Variants in IQSEC1 observed in about 807,000 individuals in gnomAD.
IQSEC1 encodes the protein IQ motif and Sec7 domain ArfGEF 1.
In IQSEC1, 31 loss-of-function variants were observed where a neutral mutation model predicts 91.0. The ratio of observed to expected loss-of-function variants is 0.34; its 90% CI spans 0.26 to 0.46. The LOEUF is 0.46. IQSEC1 is among the 20% of genes least tolerant of loss of function. IQSEC1 has a pLI of 1.00. For synonymous variants in IQSEC1, 699 were observed against 662.6 expected (o/e 1.05, Z -0.84); for missense variants, 1,388 against 1,575.6 (o/e 0.88, Z 2.02).
At chr3:13,165,145 T>C (rs1693462711) in intron 1 of IQSEC1, among the ~76,000 whole-genome samples, 1 of 152,134 alleles carries the variant, frequency 6.6e-6, no homozygotes, top group South Asian at 2.1e-4. Flanking sequence ...AGAAGGCAGG[T>C]AGTCCCCAGC....
At chr3:13,220,799 T>C (rs1194813615) in intron 1 of IQSEC1, among the ~76,000 whole-genome samples, 2 of 152,242 alleles carry the variant, frequency 1.3e-5, no homozygotes, top group African/African-American at 4.8e-5. Context: ...TTGGCTAAAC[T>C]GGCCTCATTA....
Position 12,900,369 on chromosome 3 carries a change from G to T in IQSEC1, c.*614C>A, listed in dbSNP as rs1008134945. The T allele has an allele frequency of 4.4e-5, 43 of 984,676 alleles. No individual in the cohort carries two copies. The highest frequency in any genetic ancestry group is 5.1e-5 in the Non-Finnish European group (42 of 829,834). 61.0% of individuals were successfully genotyped at this position (984,676 alleles called of 1,614,324 possible). A position where few individuals can be genotyped will look rare whatever the true frequency, so the allele number is the denominator to read the frequency against. On this transcript the variant is annotated 3_prime_UTR_variant, in exon 14 of 14. Coordinates refer to ENST00000613206, the MANE Select transcript of IQSEC1 (RefSeq NM_001134382.3). ...CAGCTAAGGTACTGTCTTCCTATTAGGTAAGTGGAGCTCCTTGTAAGGTGG... is the reference window on the plus strand; with the variant it reads ...CAGCTAAGGTACTGTCTTCCTATTATGTAAGTGGAGCTCCTTGTAAGGTGG...
At chr3:13,200,807 C>A (rs1324358632) in intron 1 of IQSEC1, among the ~76,000 whole-genome samples, 1 of 152,194 alleles carries the variant, frequency 6.6e-6, no homozygotes, top group African/African-American at 2.4e-5. Context: ...TGTTTTGACT[C>A]TGGGCGAGTC....
intron 1 of IQSEC1, among the ~76,000 whole-genome samples, chr3:13,266,635 C>T (rs893636816): frequency 3.3e-5 from 5 of 151,034 alleles, no homozygotes; most frequent in Non-Finnish European, 5.9e-5. Context: ...GGGAGAAATA[C>T]GGAAAACCGC....
At chr3:13,279,209 C>T (rs1695745700) in intron 1 of IQSEC1, among the ~76,000 whole-genome samples, 1 of 152,222 alleles carries the variant, frequency 6.6e-6, no homozygotes, top group Non-Finnish European at 1.5e-5. Context: ...GCTTCATCCA[C>T]TCAACAAATC....
At chr3:13,203,734 T>A (rs1315032296) in intron 1 of IQSEC1, among the ~76,000 whole-genome samples, 3 of 152,144 alleles carry the variant, frequency 2.0e-5, no homozygotes, top group African/African-American at 7.2e-5. Context: ...AGATAACCAC[T>A]GGTGGAAGAG....
In IQSEC1 at chr3:12,924,529, C is replaced by T. The variant is rs959009088; in HGVS notation, c.1730+52G>A. ...GTGTGCCCACGGGTAACACAGGGTG[C>T]GTGAGGGCGTGTGTGGAATCAGGTC... On this transcript the variant is annotated intron_variant, in intron 4 of 13. Coordinates refer to ENST00000613206, the MANE Select transcript of IQSEC1 (RefSeq NM_001134382.3). This position sits in a 1 kb window ranked among gnomAD's most constrained non-coding sequence, Gnocchi z 6.3. 9.8e-6 allele frequency: 15 copies of T among 1,524,232 alleles called. No homozygotes were observed. Among genetic ancestry groups the T allele is most frequent in the East Asian group, 7.2e-5 (3 of 41,580 alleles). The allele number at this position is 1,524,232 out of a possible 1,614,324, so 94.4% of individuals were successfully genotyped here.
At chr3:13,157,980 T>C (rs1363283846) in intron 2 of IQSEC1, among the ~76,000 whole-genome samples, 2 of 152,218 alleles carry the variant, frequency 1.3e-5, no homozygotes, top group African/African-American at 4.8e-5. Context: ...AGGTGCTCAA[T>C]GAAGACTGTT....
intron 1 of IQSEC1, among the ~76,000 whole-genome samples, chr3:13,243,551 CTG>C (rs1175905668): frequency 6.6e-6 from 1 of 152,218 alleles, no homozygotes; most frequent in African/African-American, 2.4e-5. Context: ...CACCCCATCT[CTG>C]TCTCTCGCAG....
intron 2 of IQSEC1, among the ~76,000 whole-genome samples, chr3:13,104,015 G>C (rs919473749): frequency 6.6e-6 from 1 of 152,128 alleles, no homozygotes; most frequent in Non-Finnish European, 1.5e-5. Flanking sequence ...TCAATGACTT[G>C]CCCAAGGTCA....
Position 12,935,882 on chromosome 3 carries a change from A to C in IQSEC1, c.1134T>G (p.Leu378=), listed in dbSNP as rs747609575. ...GTGACCCCCGCTCCGAGCGGTCACTAAGGTCCACAGAGCTGTCGCTGGGTG... is the reference window on the plus strand; with the variant it reads ...GTGACCCCCGCTCCGAGCGGTCACTCAGGTCCACAGAGCTGTCGCTGGGTG... ...IEPPSDSSVD[L]SDRSERGSLK... is the part of the protein sequence containing the mutation. The change falls in exon 3 of 14, where the codon CTT becomes CTG. Residue 378 remains leucine, a synonymous_variant. Transcript: ENST00000613206. This position sits in a 1 kb window ranked among gnomAD's most constrained non-coding sequence, Gnocchi z 8.0. 12 of 1,605,636 alleles carry C rather than the reference A, an allele frequency of 7.5e-6. No homozygotes were observed. The highest frequency in any genetic ancestry group is 1.6e-4 in the Middle Eastern group (1 of 6,076).
At chr3:13,048,774 C>A (rs1250825925) in intron 1 of IQSEC1, among the ~76,000 whole-genome samples, 1 of 152,132 alleles carries the variant, frequency 6.6e-6, no homozygotes, top group African/African-American at 2.4e-5. Flanking sequence ...GATTCGAATC[C>A]CCAATGCCAG....
In IQSEC1 at chr3:12,900,375, T is replaced by G; in HGVS notation, c.*608A>C. On this transcript the variant is annotated 3_prime_UTR_variant, in exon 14 of 14. Coordinates refer to ENST00000613206, the MANE Select transcript of IQSEC1 (RefSeq NM_001134382.3). ...AGGTACTGTCTTCCTATTAGGTAAG[T>G]GGAGCTCCTTGTAAGGTGGGTATTG... 1.0e-6 allele frequency: 1 copy of G among 984,882 alleles called. No individual in the cohort carries two copies. The allele number at this position is 984,882 out of a possible 1,614,324, so 61.0% of individuals were successfully genotyped here. A position where few individuals can be genotyped will look rare whatever the true frequency, so the allele number is the denominator to read the frequency against.
At chr3:13,109,739 C>CAG (rs1334731434) in intron 2 of IQSEC1, among the ~76,000 whole-genome samples, 1 of 151,950 alleles carries the variant, frequency 6.6e-6, no homozygotes, top group East Asian at 1.9e-4. Context: ...AGAAGCTGAG[C>CAG]AGATGCCACC....
chr3:13,053,196 T>C (rs1444580383), intron 1 of IQSEC1: 5 of 699,308 alleles, frequency 7.1e-6, no homozygotes, highest in African/African-American at 7.1e-5. Flanking sequence ...GGTTTTAACC[T>C]TGTTTCCCTG....
At chr3:13,174,492 C>T (rs1228618522) in intron 1 of IQSEC1, among the ~76,000 whole-genome samples, 7 of 152,246 alleles carry the variant, frequency 4.6e-5, no homozygotes, top group Admixed American at 2.6e-4. Flanking sequence ...GCGGGGGCTC[C>T]TCCACCCGTC....
intron 1 of IQSEC1, among the ~76,000 whole-genome samples, chr3:12,942,325 G>T (rs962305845): frequency 6.6e-6 from 1 of 152,176 alleles, no homozygotes; most frequent in Non-Finnish European, 1.5e-5. Context: ...AAAAAAGGCC[G>T]GGCGCGGTGG....
intron 2 of IQSEC1, among the ~76,000 whole-genome samples, chr3:13,152,687 A>G (rs1559265103): frequency 1.3e-5 from 2 of 152,196 alleles, no homozygotes; most frequent in Non-Finnish European, 2.9e-5. Flanking sequence ...CCTGGCCAAC[A>G]TCGTGAAACC....
intron 2 of IQSEC1, among the ~76,000 whole-genome samples, chr3:13,135,170 C>T (rs1238070198): frequency 6.6e-6 from 1 of 152,212 alleles, no homozygotes; most frequent in Non-Finnish European, 1.5e-5. Context: ...TAGGCCTAAG[C>T]AGACTCCTTG....
Sources: allele counts gnomAD v4.1 joint callset (sites outside exome capture counted in the v4.1 genomes callset), GRCh38; gene constraint gnomAD v4.1.1; non-coding constraint Gnocchi (gnomAD v3.1); transcripts MANE v1.5; gene names NCBI Gene and HGNC (gene_info 2026-07-23, HGNC 2026-07-21).